Variants in RABEP1 observed in about 807,000 individuals in gnomAD.
RABEP1 encodes rabaptin, RAB GTPase binding effector protein 1.
In RABEP1, 51 loss-of-function variants were observed where a neutral mutation model predicts 123.4. The ratio of observed to expected loss-of-function variants is 0.41; its 90% CI spans 0.33 to 0.52. RABEP1 has a LOEUF of 0.52. RABEP1 is among the 20% of genes least tolerant of loss of function. The pLI, the probability that RABEP1 is intolerant of heterozygous loss-of-function variation, is 0.16. For synonymous variants in RABEP1, 347 were observed against 355.2 expected, an observed-to-expected ratio of 0.98 and a Z score of 0.26; for missense variants, 888 against 996.3, an observed-to-expected ratio of 0.89 and a Z score of 1.46.
intron 16 of RABEP1, 92 bp downstream of exon 16, chr17:5,380,554 G>T: frequency 9.1e-7 from 1 of 1,097,820 alleles, no homozygotes; most frequent in Non-Finnish European, 1.3e-6. Flanking sequence ...TTGGTGCTTT[G>T]AAGTGTCACC....
chr17:5,296,777 C>T (rs1273130642), intron 1 of RABEP1, among the ~76,000 whole-genome samples: 4 of 152,120 alleles, frequency 2.6e-5, no homozygotes, highest in South Asian at 2.1e-4. Context: ...GGCAAGGTCT[C>T]ACTCTGTAGC....
chr17:5,334,413 G>A (rs967773566), intron 3 of RABEP1, among the ~76,000 whole-genome samples: 5 of 152,096 alleles, frequency 3.3e-5, no homozygotes, highest in African/African-American at 1.2e-4. Flanking sequence ...TGTATTTTTA[G>A]TAGAGATGGG....
At chr17:5,313,176 T>G (rs1294336096) in intron 2 of RABEP1, among the ~76,000 whole-genome samples, 1 of 152,178 alleles carries the variant, frequency 6.6e-6, no homozygotes, top group East Asian at 1.9e-4. Flanking sequence ...CTTTTAAAAT[T>G]TGTTCATGTT....
intron 11 of RABEP1, 80 bp from the exon 12 acceptor site, chr17:5,368,290 T>C: frequency 1.0e-6 from 1 of 993,016 alleles, no homozygotes; most frequent in Non-Finnish European, 1.6e-6. Context: ...TTCCAGACAC[T>C]AAATAGTTAG....
At chr17:5,322,679 C>A (rs1230132859) in intron 2 of RABEP1, among the ~76,000 whole-genome samples, 2 of 152,112 alleles carry the variant, frequency 1.3e-5, no homozygotes, top group African/African-American at 4.8e-5. Context: ...TTAAAAAGAT[C>A]AGCCACCACG....
chr17:5,329,735 T>G (rs1487259361), intron 2 of RABEP1, among the ~76,000 whole-genome samples: 1 of 151,570 alleles, frequency 6.6e-6, no homozygotes, highest in Non-Finnish European at 1.5e-5. Flanking sequence ...TACAAAAAAT[T>G]AAGATTTTCT....
chr17:5,354,346 T>C lies in RABEP1; in HGVS notation c.964-13T>C. 1 of 1,599,674 alleles carries C rather than the reference T, an allele frequency of 6.3e-7. No individual in the cohort carries two copies. Among genetic ancestry groups the C allele is most frequent in the Non-Finnish European group, 8.5e-7 (1 of 1,174,602 alleles). On this transcript the variant is annotated splice_polypyrimidine_tract_variant and intron_variant, in intron 7 of 17. Coordinates refer to ENST00000537505, the MANE Select transcript of RABEP1 (RefSeq NM_004703.6). The stretch of plus-strand genomic sequence containing the variant: ...TTACTTGGGTCATATATATGTTTTT[T>C]TCTTCCTTTTAGGAGGATGATGAAC...
intron 5 of RABEP1, among the ~76,000 whole-genome samples, chr17:5,338,718 C>T (rs182074041): frequency 1.3e-5 from 2 of 152,184 alleles, no homozygotes; most frequent in East Asian, 1.9e-4. Context: ...AATGAGACCC[C>T]GTCTCATTCA....
At chr17:5,368,103 G>A (rs978986062) in intron 11 of RABEP1, among the ~76,000 whole-genome samples, 37 of 151,982 alleles carry the variant, frequency 2.4e-4, no homozygotes, top group South Asian at 8.3e-4. Context: ...ACTAGGTCAC[G>A]TGAGTTACTG....
chr17:5,304,248 CAT>C (rs771848244), intron 1 of RABEP1, among the ~76,000 whole-genome samples: 3 of 151,892 alleles, frequency 2.0e-5, no homozygotes, highest in Non-Finnish European at 2.9e-5. Context: ...AATTGAGTGA[CAT>C]AGTCATTTTT....
chr17:5,282,316 G>C lies in RABEP1; in HGVS notation c.-171G>C. The C allele has an allele frequency of 2.2e-6, 1 of 447,566 alleles. No individual in the cohort carries two copies. 27.7% of individuals were successfully genotyped at this position (447,566 alleles called of 1,614,324 possible). ...TGAGGAGGCGGAGGTCGGCGGTCGGGTCCGTCTCTGCCCGCGGCTGTGGCG... is the reference window on the plus strand; with the variant it reads ...TGAGGAGGCGGAGGTCGGCGGTCGGCTCCGTCTCTGCCCGCGGCTGTGGCG... On this transcript the variant is annotated 5_prime_UTR_variant, in exon 1 of 18. Coordinates refer to ENST00000537505, the MANE Select transcript of RABEP1 (RefSeq NM_004703.6).
chr17:5,332,977 A>G (rs187318888), intron 3 of RABEP1, among the ~76,000 whole-genome samples: 11 of 152,158 alleles, frequency 7.2e-5, no homozygotes, highest in East Asian at 1.9e-4. Flanking sequence ...AGAATGGCCT[A>G]TGGGCTAAGG....
At chr17:5,292,020 CA>C (rs1235770687) in intron 1 of RABEP1, among the ~76,000 whole-genome samples, 13 of 152,212 alleles carry the variant, frequency 8.5e-5, no homozygotes, top group African/African-American at 2.9e-4. Flanking sequence ...CATTCTCGTA[CA>C]TTAATCTTTG....
intron 2 of RABEP1, among the ~76,000 whole-genome samples, chr17:5,320,059 A>G (rs1597351782): frequency 2.0e-5 from 3 of 152,292 alleles, no homozygotes; most frequent in Non-Finnish European, 4.4e-5. Flanking sequence ...TGTCCCAAAT[A>G]AAACCACCCC....
intron 1 of RABEP1, among the ~76,000 whole-genome samples, chr17:5,287,419 T>G (rs1466210663): frequency 6.6e-6 from 1 of 150,646 alleles, no homozygotes; most frequent in Non-Finnish European, 1.5e-5. Context: ...GCCAACATGG[T>G]GAAACCCAAT....
At chr17:5,377,416 T>C in intron 14 of RABEP1, 111 bp downstream of exon 14, 43 of 655,386 alleles carry the variant, frequency 6.6e-5, no homozygotes, top group East Asian at 9.9e-5. Flanking sequence ...AGGAAAGAAT[T>C]TAGTAAGGAC....
At chr17:5,338,238 A>T (rs1567531489) in intron 5 of RABEP1, 100 bp downstream of exon 5, 1 of 1,362,190 alleles carries the variant, frequency 7.3e-7, no homozygotes, top group Non-Finnish European at 9.9e-7. Context: ...CCTGTAATTT[A>T]GACTATGCAT....
At chr17:5,352,805 T>G (rs1321794296) in intron 7 of RABEP1, among the ~76,000 whole-genome samples, 2 of 152,110 alleles carry the variant, frequency 1.3e-5, no homozygotes, top group African/African-American at 4.8e-5. Flanking sequence ...CACTCCAGCC[T>G]GGGTGACAAA....
chr17:5,317,582 A>G (rs948471637), intron 2 of RABEP1, among the ~76,000 whole-genome samples: 3 of 151,352 alleles, frequency 2.0e-5, no homozygotes, highest in African/African-American at 7.3e-5. Flanking sequence ...CACTTACCCA[A>G]AGAAAGAAAG....
Sources: allele counts gnomAD v4.1 joint callset (sites outside exome capture counted in the v4.1 genomes callset), GRCh38; gene constraint gnomAD v4.1.1; transcripts MANE v1.5; gene names NCBI Gene and HGNC (gene_info 2026-07-23, HGNC 2026-07-21).